SRP72: variants seen among roughly 807,000 people sequenced by gnomAD.
The protein encoded by SRP72 is signal recognition particle subunit SRP72.
A neutral mutation model predicts 96.3 loss-of-function variants in SRP72; 49 were observed. That is an observed-to-expected ratio of 0.51 (90% CI 0.40 to 0.65). The LOEUF (loss-of-function observed/expected upper bound fraction) is 0.65. Ranked by LOEUF, SRP72 falls within the 30% of genes least tolerant of loss-of-function variation. The pLI is 0.00. For missense variants in SRP72, 736 were observed against 793.3 expected, an observed-to-expected ratio of 0.93 and a Z score of 0.87; for synonymous variants, 267 against 275.2, an observed-to-expected ratio of 0.97 and a Z score of 0.30.
intron 3 of SRP72, among the ~76,000 whole-genome samples, chr4:56,473,171 T>G (rs1048648219): frequency 6.6e-6 from 1 of 152,078 alleles, no homozygotes; most frequent in African/African-American, 2.4e-5. Flanking sequence ...TTTAGGCACT[T>G]TACTAATTTC....
chr4:56,478,412 G>A lies in SRP72; in HGVS notation c.676G>A (p.Ala226Thr). The change falls in exon 7 of 19, where the codon GCC (alanine) becomes ACC (threonine). Residue 226 changes from alanine (A) to threonine (T), a missense_variant. Around this residue, in one of 3 missense-constraint regions of SRP72, gnomAD observed 329 missense variants for 319.0 expected, o/e 1.03. Transcript: ENST00000642900. ...TGAGGAAGACCCACAGGCAGAACTG[G>A]CCATCATTCATGGTCAGATGGCTTA... ...GTEEDPQAELAIIHGQMAYIL... is the reference protein window; with the variant it reads ...GTEEDPQAELTIIHGQMAYIL... 6.2e-7 allele frequency: 1 copy of A among 1,612,276 alleles called. No individual in the cohort carries two copies. Among genetic ancestry groups the A allele is most frequent in the Non-Finnish European group, 8.5e-7 (1 of 1,179,636 alleles).
rs543263028 is a variant in SRP72, at chr4:56,485,733, C to T, written c.1087-592C>T. 1.1e-3 allele frequency among the ~76,000 whole-genome samples: 174 copies of T among 151,932 alleles called. 1 individual carries two copies. The highest frequency in any genetic ancestry group is 1.4e-3 in the Non-Finnish European group (94 of 67,974). ...AGGAGAATCACTTGAACCTGGCAGG[C>T]GGAGTTGCAGTGAGCCGAGATCACG... On this transcript the variant is annotated intron_variant, in intron 10 of 18. Transcript: ENST00000642900.
intron 11 of SRP72, among the ~76,000 whole-genome samples, chr4:56,486,752 G>T: frequency 6.6e-6 from 1 of 152,258 alleles, no homozygotes; most frequent in Non-Finnish European, 1.5e-5. Flanking sequence ...CGACTACTTT[G>T]CATCATAGTT....
At position 56,496,857 on chromosome 4, in the gene SRP72, T is replaced by C. The variant is rs1185550594; in HGVS notation, c.1678+1463T>C. On this transcript the variant is annotated intron_variant, in intron 17 of 18. Coordinates refer to ENST00000642900, the MANE Select transcript of SRP72 (RefSeq NM_006947.4). ...ATAAAAATTAGCCGAGCAGTACTCA[T>C]GCGTGCCTGTAATCCCAGCTACTTG... 3.3e-5 allele frequency among the ~76,000 whole-genome samples: 5 copies of C among 152,156 alleles called. No individual in the cohort carries two copies. In the East Asian group the frequency reaches 7.8e-4, roughly 24 times the overall value.
In SRP72 at chr4:56,501,672, T is replaced by G; in HGVS notation, c.1839-12T>G. 4.3e-6 allele frequency: 7 copies of G among 1,610,158 alleles called. No individual in the cohort carries two copies. The highest frequency in any genetic ancestry group is 5.9e-6 in the Non-Finnish European group (7 of 1,178,844). On this transcript the variant is annotated splice_polypyrimidine_tract_variant and intron_variant, in intron 18 of 18. Coordinates refer to ENST00000642900, the MANE Select transcript of SRP72 (RefSeq NM_006947.4). ...AATATATGAGTGACCAAAAATGATC[T>G]GATGATTTCAGGGATGCCAGTAAAA... is the stretch of plus-strand genomic sequence containing the variant.
intron 3 of SRP72, among the ~76,000 whole-genome samples, chr4:56,473,269 C>T (rs1446151865): frequency 6.6e-6 from 1 of 151,906 alleles, no homozygotes; most frequent in Non-Finnish European, 1.5e-5. Context: ...ACCATCCTGG[C>T]TAACATGATG....
In SRP72 at chr4:56,491,600, C is replaced by G. The variant is rs1305905861; in HGVS notation, c.1640+32C>G. Reference sequence around the variant, plus strand: ...TTTTTCATTGTAACGTTCTCTAATGCTGATTTTAAATTAGACAAGGAATAA... The same window carrying G: ...TTTTTCATTGTAACGTTCTCTAATGGTGATTTTAAATTAGACAAGGAATAA... On this transcript the variant is annotated intron_variant, in intron 16 of 18. Coordinates refer to ENST00000642900, the MANE Select transcript of SRP72 (RefSeq NM_006947.4). 3.2e-6 allele frequency: 5 copies of G among 1,587,184 alleles called. No individual in the cohort carries two copies. In the African/African-American group the frequency reaches 6.7e-5, roughly 21 times the overall value.
chr4:56,498,222 C>T lies in SRP72; in HGVS notation c.1679-2314C>T, dbSNP rs1721144202. On this transcript the variant is annotated intron_variant, in intron 17 of 18. Transcript: ENST00000642900. ...CTTTTCCCCCTTCAATAAAATTCAA[C>T]ACCCCTTCATGCTAAAAACTCTCAA... 2.0e-5 allele frequency among the ~76,000 whole-genome samples: 3 copies of T among 151,838 alleles called. No individual in the cohort carries two copies. In the South Asian group the frequency reaches 6.2e-4, roughly 31 times the overall value.
At chr4:56,473,351 G>C (rs564465768) in intron 3 of SRP72, among the ~76,000 whole-genome samples, 1 of 151,842 alleles carries the variant, frequency 6.6e-6, no homozygotes, top group East Asian at 1.9e-4. Flanking sequence ...CCAGCTACTC[G>C]GGAGGCTGAG....
At chr4:56,487,573 A>G (rs935051668) in intron 11 of SRP72, among the ~76,000 whole-genome samples, 4 of 152,118 alleles carry the variant, frequency 2.6e-5, no homozygotes, top group Admixed American at 6.6e-5. Context: ...TTTCCATTGC[A>G]CTCATGTCTA....
At chr4:56,491,853 A>C (rs1011797927) in intron 16 of SRP72, among the ~76,000 whole-genome samples, 1 of 148,664 alleles carries the variant, frequency 6.7e-6, no homozygotes, top group Non-Finnish European at 1.5e-5. Context: ...ATTTATTACT[A>C]TTTTTTTTTT....
rs1261484202 is a variant in SRP72, at chr4:56,497,223, T to A, written c.1678+1829T>A. 1.1e-4 allele frequency among the ~76,000 whole-genome samples: 16 copies of A among 148,742 alleles called. No individual in the cohort carries two copies. The East Asian group carries it at 2.1e-3, about 20-fold the overall frequency. On this transcript the variant is annotated intron_variant, in intron 17 of 18. Transcript: ENST00000642900. Reference sequence around the variant, plus strand: ...TATTTTTTATTTTATTTTATTTATTTATTTTTTTTTTTTTGAGACCGCGTC... The same window carrying A: ...TATTTTTTATTTTATTTTATTTATTAATTTTTTTTTTTTTGAGACCGCGTC...
chr4:56,470,293 A>G (rs1213673408), intron 2 of SRP72, among the ~76,000 whole-genome samples: 1 of 152,172 alleles, frequency 6.6e-6, no homozygotes, highest in African/African-American at 2.4e-5. Flanking sequence ...ATGAATAGTC[A>G]TTTGTGGGAG....
rs1001848278 is a variant in SRP72 at position 56,482,450 on chromosome 4, A to C, written c.826-689A>C. 1.2e-3 allele frequency among the ~76,000 whole-genome samples: 185 copies of C among 151,114 alleles called. 1 individual carries two copies. Among genetic ancestry groups the C allele is most frequent in the African/African-American group, 4.1e-3 (167 of 41,234 alleles). ...GTGACAGAGCGAGACTCCATCTCAAAAAAAAAAAAGGTATGTACTTGTTTT... is the reference window on the plus strand; with the variant it reads ...GTGACAGAGCGAGACTCCATCTCAACAAAAAAAAAGGTATGTACTTGTTTT... On this transcript the variant is annotated intron_variant, in intron 8 of 18. Transcript: ENST00000642900.
chr4:56,489,635 A>G (rs982103128), intron 13 of SRP72, 152 bp downstream of exon 13: 8 of 465,988 alleles, frequency 1.7e-5, no homozygotes, highest in African/African-American at 1.6e-4. Flanking sequence ...TTAGTATACC[A>G]GATCCAAATT....
chr4:56,494,356 T>G (rs935228973), intron 16 of SRP72, among the ~76,000 whole-genome samples: 2 of 151,988 alleles, frequency 1.3e-5, no homozygotes, highest in Admixed American at 6.6e-5. Flanking sequence ...TAAGAATATA[T>G]AGAGAGATGT....
At chr4:56,474,780 G>A (rs1332151785) in intron 5 of SRP72, among the ~76,000 whole-genome samples, 1 of 152,178 alleles carries the variant, frequency 6.6e-6, no homozygotes, top group Non-Finnish European at 1.5e-5. Context: ...CGCCTCCCAG[G>A]TTCAAGCAAT....
rs1367270423 is a variant in SRP72 at position 56,502,483 on chromosome 4, GTATATATATA to G, written c.*625_*634del. On this transcript the variant is annotated 3_prime_UTR_variant, in exon 19 of 19. Transcript: ENST00000642900. ...TTCATGTTTATATATATATATATATGTATATATATATACATATATATATATATATAAACAT... is the reference window on the plus strand; with the variant it reads ...TTCATGTTTATATATATATATATATGTACATATATATATATATATAAACAT... 5.5e-5 allele frequency: 5 copies of G among 91,098 alleles called. No individual in the cohort carries two copies. Among genetic ancestry groups the G allele is most frequent in the African/African-American group, 2.7e-4 (5 of 18,844 alleles). 5.6% of individuals were successfully genotyped at this position (91,098 alleles called of 1,614,324 possible). A position where few individuals can be genotyped will look rare whatever the true frequency, so the allele number is the denominator to read the frequency against.
At chr4:56,494,019 A>G (rs552356074) in intron 16 of SRP72, among the ~76,000 whole-genome samples, 1 of 152,334 alleles carries the variant, frequency 6.6e-6, no homozygotes, top group South Asian at 2.1e-4. Flanking sequence ...GAAAGGCTTC[A>G]TGGAGAAGAT....
Sources: gnomAD v4.1 joint callset for allele counts (sites outside exome capture counted in the v4.1 genomes callset) on GRCh38, gnomAD v4.1.1 for gene constraint, gnomAD v4.1.1 regional missense constraint, MANE v1.5 for transcripts, NCBI Gene and HGNC (gene_info 2026-07-23, HGNC 2026-07-21) for gene names.